Variants in CENPP observed in about 807,000 individuals in gnomAD.
The protein encoded by CENPP is centromere protein P.
Under a neutral mutation model 35.6 loss-of-function variants are expected in CENPP, and 24 were observed. The observed-to-expected ratio is 0.67, with a 90% CI of 0.49 to 0.95. The LOEUF is 0.95. Ranked by LOEUF, CENPP falls within the 40% of genes least tolerant of loss-of-function variation. CENPP has a pLI of 0.00. For synonymous variants in CENPP, 120 were observed against 125.5 expected (o/e 0.96, Z 0.29); for missense variants, 332 against 345.3 (o/e 0.96, Z 0.31).
chr9:92,510,142 CT>C, intron 5 of CENPP: 1 of 1,299,164 alleles, frequency 7.7e-7, no homozygotes, highest in Non-Finnish European at 1.0e-6. Context: ...CTTCCTTAGG[CT>C]TAGACAGTAA....
chr9:92,333,002 T>G (rs1318199166), intron 2 of CENPP, among the ~76,000 whole-genome samples: 2 of 152,110 alleles, frequency 1.3e-5, no homozygotes, highest in East Asian at 3.8e-4. Context: ...CACCATTAAT[T>G]TATACATCTT....
intron 5 of CENPP, among the ~76,000 whole-genome samples, chr9:92,449,268 C>T (rs1301011122): frequency 6.6e-6 from 1 of 151,520 alleles, no homozygotes; most frequent in African/African-American, 2.4e-5. Context: ...AGTGAAACCC[C>T]GTCTCTACTA....
intron 5 of CENPP, among the ~76,000 whole-genome samples, chr9:92,568,593 A>G (rs1465484675): frequency 6.6e-6 from 1 of 152,210 alleles, no homozygotes; most frequent in African/African-American, 2.4e-5. Flanking sequence ...TCCTTTGGGT[A>G]TATACACAGT....
chr9:92,590,700 T>C (rs995968265), intron 5 of CENPP, among the ~76,000 whole-genome samples: 1 of 152,218 alleles, frequency 6.6e-6, no homozygotes, highest in Non-Finnish European at 1.5e-5. Context: ...ATGTGTTTGG[T>C]CAGCTTTGGC....
At chr9:92,425,882 T>C (rs921816258) in intron 5 of CENPP, among the ~76,000 whole-genome samples, 4 of 152,198 alleles carry the variant, frequency 2.6e-5, no homozygotes, top group African/African-American at 9.7e-5. Flanking sequence ...TCTGTGTACT[T>C]TTTCAAAAAA....
At chr9:92,435,712 G>GA (rs1243686041) in intron 5 of CENPP, among the ~76,000 whole-genome samples, 1 of 152,108 alleles carries the variant, frequency 6.6e-6, no homozygotes, top group Non-Finnish European at 1.5e-5. Context: ...ATTATCTGGG[G>GA]ATTCATTTGA....
At chr9:92,406,302 A>G (rs911669748) in intron 5 of CENPP, among the ~76,000 whole-genome samples, 2 of 152,006 alleles carry the variant, frequency 1.3e-5, no homozygotes, top group African/African-American at 4.8e-5. Flanking sequence ...AGACAGGGGG[A>G]ATAGAGGTTG....
At chr9:92,325,764 A>G, upstream of CENPP, 2 of 515,910 alleles carry the variant, frequency 3.9e-6, no homozygotes, top group South Asian at 4.7e-5. Context: ...AAGTATAGCC[A>G]CTGCTTAGAC....
intron 5 of CENPP, among the ~76,000 whole-genome samples, chr9:92,477,408 C>A (rs990328061): frequency 3.9e-5 from 6 of 152,130 alleles, no homozygotes. Context: ...ATACTCATTC[C>A]CTAGAAAATT....
chr9:92,601,488 A>G (rs916604349), intron 5 of CENPP, among the ~76,000 whole-genome samples: 11 of 152,160 alleles, frequency 7.2e-5, no homozygotes, highest in African/African-American at 2.4e-4. Context: ...AGTCCTTTCC[A>G]TGTTAGAGCT....
intron 4 of CENPP, among the ~76,000 whole-genome samples, chr9:92,358,247 CT>C (rs539302447): frequency 2.0e-5 from 3 of 148,294 alleles, no homozygotes; most frequent in East Asian, 2.0e-4. Context: ...TCCTTACATT[CT>C]TTTTTTTTCT....
At chr9:92,407,154 G>A (rs1414964507) in intron 5 of CENPP, among the ~76,000 whole-genome samples, 1 of 152,118 alleles carries the variant, frequency 6.6e-6, no homozygotes, top group African/African-American at 2.4e-5. Context: ...TTGCCAACCA[G>A]GCAAGCTTAT....
At chr9:92,331,644 G>A (rs1169038171) in intron 1 of CENPP, among the ~76,000 whole-genome samples, 4 of 152,172 alleles carry the variant, frequency 2.6e-5, no homozygotes, top group Admixed American at 6.5e-5. Flanking sequence ...AGTATAATTT[G>A]GTTACATATG....
chr9:92,531,989 CTTTTCT>C (rs1225440625), intron 5 of CENPP, among the ~76,000 whole-genome samples: 2 of 116,000 alleles, frequency 1.7e-5, no homozygotes, highest in East Asian at 4.2e-4. Flanking sequence ...TTCCCACCTA[CTTTTCT>C]TTTTCTTTTT....
In CENPP at chr9:92,500,723, T is replaced by G. The variant is rs140117576; in HGVS notation, c.565-110591T>G. 1.0e-5 allele frequency: 16 copies of G among 1,596,550 alleles called. No homozygotes were observed. In the East Asian group the frequency reaches 3.6e-4, roughly 36 times the overall value. On this transcript the variant is annotated intron_variant, in intron 5 of 7. Coordinates refer to ENST00000375587, the MANE Select transcript of CENPP (RefSeq NM_001012267.3). ...AACAGATACTTGAAAAAGCCAAAAT[T>G]TACCGTATCTTGTTGTTGTTCAGCC... is the stretch of plus-strand genomic sequence containing the variant.
chr9:92,404,831 G>A (rs1413467634), intron 5 of CENPP: 1 of 268,048 alleles, frequency 3.7e-6, no homozygotes, highest in Non-Finnish European at 6.4e-6. Context: ...GTGAATATTA[G>A]TTTATGAAAA....
At chr9:92,563,810 A>C in intron 5 of CENPP, among the ~76,000 whole-genome samples, 3 of 136,072 alleles carry the variant, frequency 2.2e-5, no homozygotes, top group Non-Finnish European at 1.5e-5. Flanking sequence ...CCTCCTCCCA[A>C]AGTGGGGTGG....
intron 5 of CENPP, among the ~76,000 whole-genome samples, chr9:92,604,550 A>G (rs1343917610): frequency 2.0e-5 from 3 of 152,102 alleles, no homozygotes; most frequent in African/African-American, 7.2e-5. Flanking sequence ...TCTGTCAATT[A>G]GCTAATTTAT....
intron 5 of CENPP, chr9:92,460,627 G>C: frequency 9.3e-7 from 1 of 1,075,186 alleles, no homozygotes; most frequent in Non-Finnish European, 1.4e-6. Context: ...TTGACTATTT[G>C]TTTACTTTTC....
Sources: allele counts gnomAD v4.1 joint callset (sites outside exome capture counted in the v4.1 genomes callset), GRCh38; gene constraint gnomAD v4.1.1; transcripts MANE v1.5; gene names NCBI Gene and HGNC (gene_info 2026-07-23, HGNC 2026-07-21).